SLC9A9: variants seen among roughly 807,000 people sequenced by gnomAD.
The protein encoded by SLC9A9 is sodium/hydrogen exchanger 9.
In SLC9A9, 62 loss-of-function variants were observed where a neutral mutation model predicts 77.8. That is an observed-to-expected ratio of 0.80 (90% CI 0.65 to 0.98). SLC9A9 has a LOEUF of 0.98. SLC9A9 is among the 50% of genes least tolerant of loss of function. The pLI is 0.00. For missense variants in SLC9A9, 775 were observed against 774.9 expected (o/e 1.00, Z 0.00); for synonymous variants, 320 against 283.5 (o/e 1.13, Z -1.29).
At chr3:143,567,750 C>G (rs13085205) in intron 8 of SLC9A9, among the ~76,000 whole-genome samples, 1 of 152,026 alleles carries the variant, frequency 6.6e-6, no homozygotes, top group Non-Finnish European at 1.5e-5. Flanking sequence ...TGAATGCAGG[C>G]CACGTGTTAA....
chr3:143,765,079 CTTTT>C (rs2007267973), intron 4 of SLC9A9, among the ~76,000 whole-genome samples: 1 of 140,844 alleles, frequency 7.1e-6, no homozygotes, highest in Non-Finnish European at 1.5e-5. Context: ...TTCTCTCTTT[CTTTT>C]TCTTTCTCTC....
At position 143,447,626 on chromosome 3, in the gene SLC9A9, G is replaced by A. The variant is rs113110971; in HGVS notation, c.1469+19411C>T. 2.2e-4 allele frequency among the ~76,000 whole-genome samples: 34 copies of A among 152,176 alleles called. No homozygotes were observed. The East Asian group carries it at 3.5e-3, about 16-fold the overall frequency. ...AAAAGGCAAACAATTCCAATACTAC[G>A]GAAAACCCTATGCAATGGACAAGCT... On this transcript the variant is annotated intron_variant, in intron 12 of 15. Transcript: ENST00000316549.
intron 14 of SLC9A9, among the ~76,000 whole-genome samples, chr3:143,282,256 A>AC (rs1402330195): frequency 1.3e-5 from 2 of 151,598 alleles, no homozygotes; most frequent in African/African-American, 4.9e-5. Flanking sequence ...CACAACACAT[A>AC]CCCCCCCAAA....
chr3:143,358,794 TTTTGAG>T (rs1224932768), intron 14 of SLC9A9, among the ~76,000 whole-genome samples: 1 of 152,230 alleles, frequency 6.6e-6, no homozygotes, highest in Non-Finnish European at 1.5e-5. Flanking sequence ...GGCTTTACAA[TTTTGAG>T]TTTGTTACTA....
rs13076949 is a variant in SLC9A9 at position 143,578,749 on chromosome 3, A to C, written c.756-26T>G. 222,529 of 1,612,964 alleles carry C rather than the reference A, an allele frequency of 0.14. 16,173 individuals are homozygous for C. Among genetic ancestry groups the C allele is most frequent in the East Asian group, 0.16 (7,315 of 44,830 alleles). On this transcript the variant is annotated intron_variant, in intron 6 of 15. Coordinates refer to ENST00000316549, the MANE Select transcript of SLC9A9 (RefSeq NM_173653.4). ...CTGAAAAGAGAAGAGGGTGGAGGTT[A>C]GTTAGTGACTTTCATCTCATAGCCC... is the stretch of plus-strand genomic sequence containing the variant.
intron 9 of SLC9A9, among the ~76,000 whole-genome samples, chr3:143,505,162 C>T (rs1180885517): frequency 6.6e-6 from 1 of 151,948 alleles, no homozygotes; most frequent in Non-Finnish European, 1.5e-5. Context: ...GATACTTATC[C>T]TCTCCCAAAT....
At chr3:143,373,012 G>A (rs978771746) in intron 13 of SLC9A9, among the ~76,000 whole-genome samples, 15 of 152,172 alleles carry the variant, frequency 9.9e-5, no homozygotes, top group Non-Finnish European at 1.6e-4. Context: ...TGATGGGAAT[G>A]TAAATTAGTA....
chr3:143,504,004 G>C (rs1028555418), intron 9 of SLC9A9: 2 of 448,130 alleles, frequency 4.5e-6, no homozygotes, highest in Non-Finnish European at 8.7e-6. Flanking sequence ...ATCAGTGCCA[G>C]CATCGCCCCA....
intron 12 of SLC9A9, among the ~76,000 whole-genome samples, chr3:143,465,543 A>G (rs995772535): frequency 6.6e-6 from 1 of 152,234 alleles, no homozygotes; most frequent in African/African-American, 2.4e-5. Flanking sequence ...TGACATCACT[A>G]CTTTATGTTC....
chr3:143,321,871 G>T (rs1029482348), intron 14 of SLC9A9, among the ~76,000 whole-genome samples: 1 of 152,174 alleles, frequency 6.6e-6, no homozygotes, highest in Admixed American at 6.5e-5. Flanking sequence ...GGGAGTCTGA[G>T]GATGTTATAG....
chr3:143,473,009 T>G (rs1403936819), intron 11 of SLC9A9, among the ~76,000 whole-genome samples: 1 of 151,538 alleles, frequency 6.6e-6, no homozygotes, highest in African/African-American at 2.4e-5. Flanking sequence ...GACTTGTGTT[T>G]TTTTTTTTTT....
chr3:143,693,159 T>A lies in SLC9A9; in HGVS notation c.649+33A>T, dbSNP rs992500645. 2.0e-6 allele frequency: 3 copies of A among 1,520,522 alleles called. No individual in the cohort carries two copies. The African/African-American group carries it at 4.1e-5, about 21-fold the overall frequency. The allele number at this position is 1,520,522 out of a possible 1,614,324, so 94.2% of individuals were successfully genotyped here. On this transcript the variant is annotated intron_variant, in intron 5 of 15. Transcript: ENST00000316549. ...ACATTCAATTTAAATGTTTGATTCT[T>A]AAAAGAAGAAAATATATTATTTGAG... is the stretch of plus-strand genomic sequence containing the variant.
intron 14 of SLC9A9, among the ~76,000 whole-genome samples, chr3:143,348,537 T>C (rs991230733): frequency 1.3e-5 from 2 of 152,202 alleles, no homozygotes; most frequent in Admixed American, 6.5e-5. Flanking sequence ...AGGTTCCAAG[T>C]GTAAAACAGA....
intron 6 of SLC9A9, among the ~76,000 whole-genome samples, chr3:143,587,017 T>A (rs1039668331): frequency 6.6e-6 from 1 of 152,200 alleles, no homozygotes; most frequent in African/African-American, 2.4e-5. Flanking sequence ...AATCCAAATG[T>A]ATACCAGAGA....
At chr3:143,818,238 GA>G (rs2009072035) in intron 2 of SLC9A9, among the ~76,000 whole-genome samples, 1 of 152,080 alleles carries the variant, frequency 6.6e-6, no homozygotes, top group Admixed American at 6.5e-5. Context: ...ATCTTTTAAA[GA>G]TCAAGGGATA....
At chr3:143,558,325 C>T (rs908671352) in intron 8 of SLC9A9, among the ~76,000 whole-genome samples, 14 of 152,178 alleles carry the variant, frequency 9.2e-5, no homozygotes, top group African/African-American at 3.1e-4. Flanking sequence ...AGGGCACTGC[C>T]TAGTGGAGCT....
At chr3:143,625,046 C>A (rs1198708380) in intron 6 of SLC9A9, among the ~76,000 whole-genome samples, 1 of 152,106 alleles carries the variant, frequency 6.6e-6, no homozygotes, top group Non-Finnish European at 1.5e-5. Flanking sequence ...ATGTAGGAAT[C>A]CAACTTACAA....
At chr3:143,340,415 T>G (rs2032059789) in intron 14 of SLC9A9, among the ~76,000 whole-genome samples, 1 of 152,202 alleles carries the variant, frequency 6.6e-6, no homozygotes, top group Admixed American at 6.5e-5. Context: ...AGACATTTAT[T>G]AGAACACCTG....
chr3:143,728,501 G>A (rs913847045), intron 4 of SLC9A9, among the ~76,000 whole-genome samples: 9 of 152,264 alleles, frequency 5.9e-5, no homozygotes, highest in East Asian at 1.9e-4. Flanking sequence ...GGATCAGCAC[G>A]GAGAGGAAGG....
Sources: allele counts gnomAD v4.1 joint callset (sites outside exome capture counted in the v4.1 genomes callset), GRCh38; gene constraint gnomAD v4.1.1; transcripts MANE v1.5; gene names NCBI Gene and HGNC (gene_info 2026-07-23, HGNC 2026-07-21).